Variants in CMIP observed in about 807,000 individuals in gnomAD.
The protein encoded by CMIP is c-Maf inducing protein.
In CMIP, 13 loss-of-function variants were observed where a neutral mutation model predicts 97.3. The observed-to-expected ratio is 0.13, with a 90% CI of 0.09 to 0.21. The LOEUF (loss-of-function observed/expected upper bound fraction) is 0.21. Among genes scored for constraint, CMIP ranks in the 10% least tolerant of loss-of-function variants. The pLI is 1.00. For synonymous variants in CMIP, 538 were observed against 436.3 expected, an observed-to-expected ratio of 1.23 and a Z score of -2.91; for missense variants, 847 against 1,024.9, an observed-to-expected ratio of 0.83 and a Z score of 2.37.
intron 1 of CMIP, among the ~76,000 whole-genome samples, chr16:81,508,238 T>C (rs988381154): frequency 1.3e-5 from 2 of 152,264 alleles, no homozygotes; most frequent in African/African-American, 4.8e-5. Context: ...AAAGTCCCTC[T>C]TGCCCTGTGG....
intron 1 of CMIP, among the ~76,000 whole-genome samples, chr16:81,521,775 G>A (rs2090032560): frequency 6.6e-6 from 1 of 152,136 alleles, no homozygotes; most frequent in South Asian, 2.1e-4. Flanking sequence ...CCAGTTTAGG[G>A]GGTCAGTTGG....
intron 1 of CMIP, 28 bp downstream of exon 1, chr16:81,445,569 C>A: frequency 6.5e-7 from 1 of 1,532,970 alleles, no homozygotes; most frequent in Non-Finnish European, 8.8e-7. Context: ...GCTGCACCCC[C>A]GCCTCTCCTC....
rs958486733 is a variant in CMIP at position 81,537,538 on chromosome 16, A to C, written c.301-70029A>C. ...TGACAGAGAGAGACTCCGTCTCCAA[A>C]AAAAAGACAAAAAAAAAAAAAAAAA... is the stretch of plus-strand genomic sequence containing the variant. On this transcript the variant is annotated intron_variant, in intron 1 of 20. Coordinates refer to ENST00000537098, the MANE Select transcript of CMIP (RefSeq NM_198390.3). Among the ~76,000 whole-genome samples the C allele has an allele frequency of 4.1e-4, 52 of 126,184 alleles. 1 individual carries two copies. Among genetic ancestry groups the C allele is most frequent in the African/African-American group, 1.5e-3 (49 of 32,298 alleles). 82.8% of individuals were successfully genotyped at this position (126,184 alleles called of 152,430 possible). A position where few individuals can be genotyped will look rare whatever the true frequency, so the allele number is the denominator to read the frequency against.
chr16:81,638,234 C>T (rs1357284403), intron 3 of CMIP, among the ~76,000 whole-genome samples: 1 of 152,200 alleles, frequency 6.6e-6, no homozygotes, highest in Non-Finnish European at 1.5e-5. Flanking sequence ...GTGATCTCCC[C>T]ATCTCAAGAT....
At chr16:81,488,372 A>G (rs1448482709) in intron 1 of CMIP, among the ~76,000 whole-genome samples, 1 of 152,146 alleles carries the variant, frequency 6.6e-6, no homozygotes, top group Non-Finnish European at 1.5e-5. Flanking sequence ...TAAACTGGGC[A>G]TAATAGTGTC....
At chr16:81,692,095 T>G (rs142282628) in intron 11 of CMIP, among the ~76,000 whole-genome samples, 27 of 152,226 alleles carry the variant, frequency 1.8e-4, no homozygotes, top group African/African-American at 6.3e-4. Context: ...GTCACAAGGA[T>G]TCATGAGCTA....
chr16:81,502,342 CATAGATTA>C (rs2089628509), intron 1 of CMIP, among the ~76,000 whole-genome samples: 1 of 152,190 alleles, frequency 6.6e-6, no homozygotes, highest in Non-Finnish European at 1.5e-5. Flanking sequence ...TCATTTCATT[CATAGATTA>C]CATGGTCAAC....
At chr16:81,574,909 C>A (rs1211422181) in intron 1 of CMIP, among the ~76,000 whole-genome samples, 4 of 152,220 alleles carry the variant, frequency 2.6e-5, no homozygotes, top group Non-Finnish European at 5.9e-5. Context: ...AGTAGCTGCT[C>A]ACGAAATGGT....
At chr16:81,446,236 A>G (rs1479827898) in intron 1 of CMIP, among the ~76,000 whole-genome samples, 1 of 151,922 alleles carries the variant, frequency 6.6e-6, no homozygotes, top group Non-Finnish European at 1.5e-5. Flanking sequence ...CTGGTCCGGC[A>G]TTGTCTGTAG....
At chr16:81,513,631 C>A (rs925789522) in intron 1 of CMIP, among the ~76,000 whole-genome samples, 2 of 152,226 alleles carry the variant, frequency 1.3e-5, no homozygotes, top group Non-Finnish European at 2.9e-5. Context: ...TCCGTTCTGG[C>A]CTGGCTGCTG....
At chr16:81,671,399 A>G (rs2092682034) in intron 8 of CMIP, among the ~76,000 whole-genome samples, 1 of 152,238 alleles carries the variant, frequency 6.6e-6, no homozygotes. Context: ...AAGACAAGTA[A>G]TAATTAGTGG....
At chr16:81,456,638 C>A (rs543225092) in intron 1 of CMIP, among the ~76,000 whole-genome samples, 2 of 152,210 alleles carry the variant, frequency 1.3e-5, no homozygotes, top group Non-Finnish European at 2.9e-5. Context: ...AACTGAGGCC[C>A]GGAGAGGAGA....
intron 8 of CMIP, among the ~76,000 whole-genome samples, chr16:81,671,041 C>T (rs2092679283): frequency 6.6e-6 from 1 of 152,160 alleles, no homozygotes; most frequent in South Asian, 2.1e-4. Context: ...GTTGGCCAGG[C>T]TAGTCTTGAA....
chr16:81,694,476 C>A (rs2012502), intron 13 of CMIP, among the ~76,000 whole-genome samples: 57,482 of 151,942 alleles, frequency 0.38, 11,473 homozygotes, highest in African/African-American at 0.48. Flanking sequence ...GAGGGTGGAG[C>A]ATGGTGTTTG....
chr16:81,530,204 T>C (rs913705343), intron 1 of CMIP, among the ~76,000 whole-genome samples: 1 of 152,196 alleles, frequency 6.6e-6, no homozygotes, highest in African/African-American at 2.4e-5. Flanking sequence ...GATCCATTCC[T>C]ACCAGGGTCC....
At chr16:81,500,309 C>CCTTCCTTCCTTCCTG (rs1171863176) in intron 1 of CMIP, among the ~76,000 whole-genome samples, 6 of 21,400 alleles carry the variant, frequency 2.8e-4, no homozygotes, top group African/African-American at 4.8e-4. Flanking sequence ...CTTCCTGCCT[C>CCTTCCTTCCTTCCTG]CCTCCCTCCC....
rs867479015 is a variant in CMIP, at chr16:81,647,146, A to C, written c.478-5057A>C. 3.9e-5 allele frequency among the ~76,000 whole-genome samples: 6 copies of C among 152,242 alleles called. 1 individual carries two copies. In the South Asian group the frequency reaches 1.2e-3, roughly 32 times the overall value. On this transcript the variant is annotated intron_variant, in intron 3 of 20. Transcript: ENST00000537098. Reference sequence around the variant, plus strand: ...TTGTCTGTCATTTTCTATTACAGCCATCCTCGTAGGACGAAGTCGTATCTC... The same window carrying C: ...TTGTCTGTCATTTTCTATTACAGCCCTCCTCGTAGGACGAAGTCGTATCTC...
At chr16:81,541,433 G>C (rs2090447235) in intron 1 of CMIP, among the ~76,000 whole-genome samples, 1 of 152,182 alleles carries the variant, frequency 6.6e-6, no homozygotes. Context: ...CATAGGCCCA[G>C]CCAGTCTAAC....
At chr16:81,693,551 C>T in intron 13 of CMIP, 64 bp downstream of exon 13, 1 of 1,530,850 alleles carries the variant, frequency 6.5e-7, no homozygotes. Context: ...ACGAGGGCCC[C>T]TTAGAGGCCT....
Sources: gnomAD v4.1 joint callset for allele counts (sites outside exome capture counted in the v4.1 genomes callset) on GRCh38, gnomAD v4.1.1 for gene constraint, MANE v1.5 for transcripts, NCBI Gene and HGNC (gene_info 2026-07-23, HGNC 2026-07-21) for gene names.